CELF2: variants seen among roughly 807,000 people sequenced by gnomAD.
CELF2 encodes the protein CUG triplet repeat RNA-binding protein 2.
A neutral mutation model predicts 62.6 loss-of-function variants in CELF2; 8 were observed. The observed-to-expected ratio is 0.13, with a 90% CI of 0.07 to 0.23. The LOEUF is 0.23. Among genes scored for constraint, CELF2 ranks in the 10% least tolerant of loss-of-function variants. The pLI, the probability that CELF2 is intolerant of heterozygous loss-of-function variation, is 1.00. For missense variants in CELF2, 333 were observed against 671.0 expected (o/e 0.50, Z 5.56); for synonymous variants, 258 against 250.0 (o/e 1.03, Z -0.30).
At chr10:11,109,486 G>T (rs1029786562) in intron 1 of CELF2, among the ~76,000 whole-genome samples, 2 of 152,168 alleles carry the variant, frequency 1.3e-5, no homozygotes, top group South Asian at 2.1e-4. Flanking sequence ...TTTAAATCAT[G>T]CCTGCCCCAT....
At chr10:11,053,859 C>T (rs929376408) in intron 1 of CELF2, among the ~76,000 whole-genome samples, 5 of 152,060 alleles carry the variant, frequency 3.3e-5, no homozygotes, top group Non-Finnish European at 7.4e-5. Context: ...CGTGATCCAC[C>T]CGCCTCGGCC....
the CELF2 span, among the ~76,000 whole-genome samples, chr10:10,533,802 T>C: frequency 2.6e-5 from 4 of 152,174 alleles, no homozygotes; most frequent in Non-Finnish European, 2.9e-5. Context: ...CAGGAAAAGA[T>C]TGACGGCAAG....
chr10:11,065,228 C>G lies in CELF2; in HGVS notation c.74+47065C>G, dbSNP rs80326926. Among the ~76,000 whole-genome samples, 1,124 of 152,248 alleles carry G rather than the reference C, an allele frequency of 7.4e-3. 9 individuals carry two copies. Among genetic ancestry groups the G allele is most frequent in the African/African-American group, 0.025 (1,023 of 41,534 alleles). ...CCACGAGTTTGATGATTGCCGTGATCAAAACATCAATATCTGTCCTAGAAA... is the reference window on the plus strand; with the variant it reads ...CCACGAGTTTGATGATTGCCGTGATGAAAACATCAATATCTGTCCTAGAAA... On this transcript the variant is annotated intron_variant, in intron 1 of 12. Coordinates refer to ENST00000633077, the MANE Select transcript of CELF2 (RefSeq NM_001326342.2).
intron 1 of CELF2, among the ~76,000 whole-genome samples, chr10:11,140,587 A>C (rs980678439): frequency 2.6e-5 from 4 of 152,162 alleles, no homozygotes; most frequent in African/African-American, 7.2e-5. Context: ...ATTATGAATA[A>C]GTTTTGGTAT....
At chr10:10,666,575 GAA>G in the CELF2 span, among the ~76,000 whole-genome samples, 13 of 136,124 alleles carry the variant, frequency 9.6e-5, 2 homozygotes, top group Admixed American at 1.4e-4. Flanking sequence ...GTGTTTGTAA[GAA>G]AGAGGCCGGG....
chr10:11,206,241 T>G (rs1419145464), intron 2 of CELF2, among the ~76,000 whole-genome samples: 1 of 152,112 alleles, frequency 6.6e-6, no homozygotes, highest in East Asian at 1.9e-4. Flanking sequence ...AGTGGAGACT[T>G]GAGAGATCGG....
the CELF2 span, among the ~76,000 whole-genome samples, chr10:10,619,666 C>T: frequency 2.6e-5 from 4 of 152,138 alleles, no homozygotes; most frequent in African/African-American, 7.2e-5. Flanking sequence ...CAGGGCTGTG[C>T]GCTGATGGGA....
rs368107703 is a variant in CELF2, at chr10:11,306,784, G to A, written c.977-7355G>A. The stretch of plus-strand genomic sequence containing the variant: ...GTCTCCCCAACTTTCTACTGGGACC[G>A]TCTAAGAACAGCGTAGTAAGAAGTG... On this transcript the variant is annotated intron_variant, in intron 9 of 12. Coordinates refer to ENST00000633077, the MANE Select transcript of CELF2 (RefSeq NM_001326342.2). This position sits in a 1 kb window ranked among gnomAD's most constrained non-coding sequence, Gnocchi z 4.4. Among the ~76,000 whole-genome samples, 5 of 152,090 alleles carry A rather than the reference G, an allele frequency of 3.3e-5. No homozygotes were observed. The highest frequency in any genetic ancestry group is 1.9e-4 in the East Asian group (1 of 5,184).
chr10:10,940,684 T>C (rs755373358), intron 2 of CELF2, among the ~76,000 whole-genome samples: 1 of 152,206 alleles, frequency 6.6e-6, no homozygotes. Flanking sequence ...TTCTGGTAGC[T>C]CTCATTATGT....
In CELF2 at chr10:10,995,630, A is replaced by C. The variant is rs2053872433; in HGVS notation, c.89+75631A>C. Among the ~76,000 whole-genome samples, 1 of 152,188 alleles carries C rather than the reference A, an allele frequency of 6.6e-6. No individual in the cohort carries two copies. Among genetic ancestry groups the C allele is most frequent in the Admixed American group, 6.5e-5 (1 of 15,274 alleles). On this transcript the variant is annotated intron_variant, in intron 2 of 13. Coordinates refer to the CELF2 transcript ENST00000636488. This position sits in a 1 kb window ranked among gnomAD's most constrained non-coding sequence, Gnocchi z 4.7. ...TATTATGTGGCTTGGACTTCATCTT[A>C]GGGTAGGGGACACCTTCAAAGAGTT... is the stretch of plus-strand genomic sequence containing the variant.
the CELF2 span, among the ~76,000 whole-genome samples, chr10:10,630,068 A>G: frequency 2.6e-5 from 4 of 152,244 alleles, no homozygotes; most frequent in Non-Finnish European, 5.9e-5. Context: ...AAGACACTCC[A>G]TCTGCTTTTG....
At position 11,230,132 on chromosome 10, in the gene CELF2, G is replaced by A. The variant is rs138578233; in HGVS notation, c.354+12625G>A. Among the ~76,000 whole-genome samples the A allele has an allele frequency of 3.3e-5, 5 of 152,260 alleles. No homozygotes were observed. In the South Asian group the frequency reaches 8.3e-4, roughly 25 times the overall value. On this transcript the variant is annotated intron_variant, in intron 3 of 12. Coordinates refer to ENST00000633077, the MANE Select transcript of CELF2 (RefSeq NM_001326342.2). ...CATCTGAGAAAGTGTTAGAAGTGCAGCCTTGCAGGCCCTCCCCCAGGACCT... is the reference window on the plus strand; with the variant it reads ...CATCTGAGAAAGTGTTAGAAGTGCAACCTTGCAGGCCCTCCCCCAGGACCT...
At chr10:10,792,706 G>A in the CELF2 span, among the ~76,000 whole-genome samples, 1 of 152,188 alleles carries the variant, frequency 6.6e-6, no homozygotes, top group East Asian at 1.9e-4. Flanking sequence ...TGAGCCCTGT[G>A]TGCTAACAAA....
intron 2 of CELF2, among the ~76,000 whole-genome samples, chr10:11,189,084 A>G (rs1166174883): frequency 6.6e-6 from 1 of 152,098 alleles, no homozygotes; most frequent in African/African-American, 2.4e-5. Flanking sequence ...ATTATTTTCT[A>G]CTTCTAAAGT....
chr10:11,252,720 C>T (rs960542895), intron 4 of CELF2, among the ~76,000 whole-genome samples: 48 of 152,232 alleles, frequency 3.2e-4, no homozygotes, highest in African/African-American at 1.1e-3. Context: ...GATGGAAGCT[C>T]GCGGCATCGT....
intron 1 of CELF2, among the ~76,000 whole-genome samples, chr10:11,122,709 C>T (rs767267714): frequency 1.3e-5 from 2 of 152,256 alleles, no homozygotes; most frequent in Non-Finnish European, 2.9e-5. Context: ...AAGAAATTCT[C>T]ATGCATAACT....
At chr10:10,885,622 T>A (rs1490274929) in intron 1 of CELF2, among the ~76,000 whole-genome samples, 1 of 152,128 alleles carries the variant, frequency 6.6e-6, no homozygotes, top group Non-Finnish European at 1.5e-5. Flanking sequence ...TATGTAATAC[T>A]TTCCTGTTGC....
intron 1 of CELF2, among the ~76,000 whole-genome samples, chr10:11,105,248 G>C (rs1163359652): frequency 6.6e-6 from 1 of 152,184 alleles, no homozygotes; most frequent in African/African-American, 2.4e-5. Flanking sequence ...GCCTGGCTGG[G>C]TTTGAATCTA....
chr10:10,593,906 C>T, the CELF2 span, among the ~76,000 whole-genome samples: 9 of 152,142 alleles, frequency 5.9e-5, no homozygotes, highest in Admixed American at 5.9e-4. Flanking sequence ...AATGCATACT[C>T]CATAGGGTTA....
Sources: allele counts gnomAD v4.1 joint callset (sites outside exome capture counted in the v4.1 genomes callset), GRCh38; gene constraint gnomAD v4.1.1; non-coding constraint Gnocchi (gnomAD v3.1); transcripts MANE v1.5; gene names NCBI Gene and HGNC (gene_info 2026-07-23, HGNC 2026-07-21).